STAG1: variants seen among roughly 807,000 people sequenced by gnomAD.
STAG1 encodes the protein STAG1 cohesin complex component.
In STAG1, 26 loss-of-function variants were observed where a neutral mutation model predicts 170.9. The ratio of observed to expected loss-of-function variants is 0.15; its 90% CI spans 0.11 to 0.21. The LOEUF is 0.21. STAG1 is among the 10% of genes least tolerant of loss of function. The pLI, the probability that STAG1 is intolerant of heterozygous loss-of-function variation, is 1.00. For synonymous variants in STAG1, 514 were observed against 497.7 expected, an observed-to-expected ratio of 1.03 and a Z score of -0.44; for missense variants, 964 against 1,509.5, an observed-to-expected ratio of 0.64 and a Z score of 5.99.
At chr3:136,660,237 C>CTATGGTTTA (rs1328610546) in intron 1 of STAG1, among the ~76,000 whole-genome samples, 2 of 152,138 alleles carry the variant, frequency 1.3e-5, no homozygotes, top group East Asian at 1.9e-4. Flanking sequence ...TGTACAGCTA[C>CTATGGTTTA]CCAGGGTTTA....
chr3:136,731,327 A>G (rs1331047634), intron 1 of STAG1, among the ~76,000 whole-genome samples: 1 of 152,180 alleles, frequency 6.6e-6, no homozygotes, highest in African/African-American at 2.4e-5. Context: ...GTTCTTTTGT[A>G]AGAATTAGAA....
intron 1 of STAG1, among the ~76,000 whole-genome samples, chr3:136,679,939 T>C (rs982270101): frequency 4.0e-5 from 6 of 151,810 alleles, no homozygotes; most frequent in Non-Finnish European, 5.9e-5. Context: ...AGGACATATA[T>C]TCAAAGATAC....
At chr3:136,535,324 G>C (rs577465443) in intron 6 of STAG1, among the ~76,000 whole-genome samples, 92 of 152,272 alleles carry the variant, frequency 6.0e-4, no homozygotes, top group African/African-American at 2.0e-3. Flanking sequence ...TCGATAGCAG[G>C]CTTGGGTGAC....
chr3:136,404,957 T>A (rs576186784), intron 21 of STAG1, among the ~76,000 whole-genome samples: 1 of 152,028 alleles, frequency 6.6e-6, no homozygotes, highest in East Asian at 1.9e-4. Context: ...GTAATGACAG[T>A]GGAAAATCTG....
Position 136,423,018 on chromosome 3 carries a change from A to C in STAG1, c.1677T>G (p.Thr559=). ...KRVLTAKERK[T]QIDDRNKLTE... is the part of the protein sequence containing the mutation. ...TCAATTTGTTTCTATCATCAATTTG[A>C]GTTTTCCTTTCTTTGGCAGTTAGCA... The change falls in exon 17 of 34, where the codon ACT becomes ACG. Residue 559 remains threonine (T), a synonymous_variant. Transcript: ENST00000383202. 6.2e-7 allele frequency: 1 copy of C among 1,607,962 alleles called. No individual in the cohort carries two copies. The highest frequency in any genetic ancestry group is 8.5e-7 in the Non-Finnish European group (1 of 1,177,184).
At chr3:136,373,833 G>A (rs1405250116) in intron 23 of STAG1, among the ~76,000 whole-genome samples, 1 of 152,162 alleles carries the variant, frequency 6.6e-6, no homozygotes, top group Admixed American at 6.5e-5. Context: ...GATTTGGGGT[G>A]GAGAGTTCTG....
intron 22 of STAG1, among the ~76,000 whole-genome samples, chr3:136,384,093 T>C (rs904560135): frequency 6.6e-6 from 1 of 151,956 alleles, no homozygotes; most frequent in African/African-American, 2.4e-5. Flanking sequence ...CAGTATGCTA[T>C]AATGACTCTT....
rs375438408 is a variant in STAG1, at chr3:136,735,993, C to T, written c.-84+16202G>A. On this transcript the variant is annotated intron_variant, in intron 1 of 33. Coordinates refer to ENST00000383202, the MANE Select transcript of STAG1 (RefSeq NM_005862.3). The stretch of plus-strand genomic sequence containing the variant: ...CCACAGGGCATCAGGGCATCAGATG[C>T]CACTCTGTGTGCCCACAAGTGTTCC... Among the ~76,000 whole-genome samples, 69 of 152,332 alleles carry T rather than the reference C, an allele frequency of 4.5e-4. 2 individuals are homozygous for T. The South Asian group carries it at 0.014, about 30-fold the overall frequency.
At chr3:136,638,831 G>T (rs990642236) in intron 1 of STAG1, among the ~76,000 whole-genome samples, 5 of 152,132 alleles carry the variant, frequency 3.3e-5, no homozygotes, top group Admixed American at 2.6e-4. Flanking sequence ...GAACCCAGGA[G>T]GCGGAGGCTG....
chr3:136,705,915 G>A (rs1300166113), intron 1 of STAG1, among the ~76,000 whole-genome samples: 3 of 151,664 alleles, frequency 2.0e-5, no homozygotes, highest in African/African-American at 7.3e-5. Context: ...GCCAAGGTGG[G>A]AGGATCACTT....
chr3:136,474,147 G>C (rs973414838), intron 10 of STAG1, among the ~76,000 whole-genome samples: 3 of 152,118 alleles, frequency 2.0e-5, no homozygotes, highest in African/African-American at 7.2e-5. Context: ...GAAGAGTCCT[G>C]GGAGTGCTAT....
intron 9 of STAG1, among the ~76,000 whole-genome samples, chr3:136,492,163 T>C (rs772563135): frequency 3.3e-5 from 5 of 152,210 alleles, no homozygotes; most frequent in African/African-American, 9.6e-5. Context: ...GTGATACTTA[T>C]GGAAATTAAT....
At chr3:136,478,682 T>C (rs941396226) in intron 9 of STAG1, among the ~76,000 whole-genome samples, 1 of 152,192 alleles carries the variant, frequency 6.6e-6, no homozygotes, top group South Asian at 2.1e-4. Context: ...CAGTTCTCTC[T>C]AGGCTCCTGT....
At chr3:136,363,278 T>G in intron 26 of STAG1, 88 bp downstream of exon 26, 1 of 679,248 alleles carries the variant, frequency 1.5e-6, no homozygotes, top group Non-Finnish European at 2.5e-6. Context: ...CTAGTTTAAA[T>G]GAGATGAGAT....
intron 4 of STAG1, among the ~76,000 whole-genome samples, chr3:136,600,555 G>A (rs1023426162): frequency 7.2e-5 from 11 of 151,946 alleles, no homozygotes; most frequent in Non-Finnish European, 1.2e-4. Flanking sequence ...TTTTTGAGAC[G>A]GAGTCTCGCT....
chr3:136,385,331 T>C (rs1308132222), intron 22 of STAG1, among the ~76,000 whole-genome samples: 1 of 152,072 alleles, frequency 6.6e-6, no homozygotes, highest in Non-Finnish European at 1.5e-5. Context: ...TCCCAGCTAC[T>C]CAGGAGGCTG....
intron 1 of STAG1, among the ~76,000 whole-genome samples, chr3:136,655,714 G>A (rs1343703051): frequency 6.6e-6 from 1 of 151,534 alleles, no homozygotes; most frequent in Non-Finnish European, 1.5e-5. Context: ...AGTGAGCCAA[G>A]ATCACACCAT....
intron 6 of STAG1, among the ~76,000 whole-genome samples, chr3:136,541,224 T>C (rs1022800095): frequency 6.6e-6 from 1 of 152,104 alleles, no homozygotes; most frequent in Non-Finnish European, 1.5e-5. Context: ...ACAACCAATA[T>C]TTTAGTGCTG....
intron 4 of STAG1, among the ~76,000 whole-genome samples, chr3:136,601,015 C>T (rs762330377): frequency 7.9e-5 from 12 of 151,950 alleles, no homozygotes; most frequent in Non-Finnish European, 1.6e-4. Flanking sequence ...AAATTAGCAC[C>T]ACATCCAGCT....
Sources: allele counts gnomAD v4.1 joint callset (sites outside exome capture counted in the v4.1 genomes callset), GRCh38; gene constraint gnomAD v4.1.1; transcripts MANE v1.5; gene names NCBI Gene and HGNC (gene_info 2026-07-23, HGNC 2026-07-21).